The following PLA2G6 variants were observed in gnomAD, a reference collection of about 807,000 sequenced individuals.
The protein encoded by PLA2G6 is 85/88 kDa calcium-independent phospholipase A2.
A neutral mutation model predicts 83.8 loss-of-function variants in PLA2G6; 62 were observed. The ratio of observed to expected loss-of-function variants is 0.74; its 90% CI spans 0.60 to 0.91. PLA2G6 has a LOEUF of 0.91. Among genes scored for constraint, PLA2G6 ranks in the 40% least tolerant of loss-of-function variants. PLA2G6 has a pLI of 0.00. For missense variants in PLA2G6, 944 were observed against 1,102.0 expected (o/e 0.86, Z 2.03); for synonymous variants, 417 against 449.8 (o/e 0.93, Z 0.92).
At chr22:38,119,311 A>C (rs1364307370) in intron 12 of PLA2G6, among the ~76,000 whole-genome samples, 1 of 152,170 alleles carries the variant, frequency 6.6e-6, no homozygotes, top group African/African-American at 2.4e-5. Context: ...TGCTTGACCC[A>C]CTGCTGAGGA....
chr22:38,129,446 G>C lies in PLA2G6; in HGVS notation c.1186+8C>G, dbSNP rs748701861. 1 of 1,574,572 alleles carries C rather than the reference G, an allele frequency of 6.4e-7. No homozygotes were observed. The highest frequency in any genetic ancestry group is 2.2e-5 in the East Asian group (1 of 44,672). ...CCCCACTCCAGCCCCAGAGTGCAGA[G>C]CACATACGTCTGCCGATTTTGGAGG... On this transcript the variant is annotated splice_region_variant and intron_variant, in intron 8 of 16. Transcript: ENST00000332509.
At position 38,114,823 on chromosome 22, in the gene PLA2G6, C is replaced by T. The variant is rs1054700407; in HGVS notation, c.2034+704G>A. On this transcript the variant is annotated intron_variant, in intron 14 of 16. Coordinates refer to ENST00000332509, the MANE Select transcript of PLA2G6 (RefSeq NM_003560.4). Reference sequence around the variant, plus strand: ...ACAGCATGCCAAGGCCTCGCAGCCTCCCCAGGCAGGCGCTATGATGGCCCC... The same window carrying T: ...ACAGCATGCCAAGGCCTCGCAGCCTTCCCAGGCAGGCGCTATGATGGCCCC... 7.9e-5 allele frequency among the ~76,000 whole-genome samples: 12 copies of T among 152,348 alleles called. No individual in the cohort carries two copies. The South Asian group carries it at 1.0e-3, about 13-fold the overall frequency.
chr22:38,148,669 G>T, intron 2 of PLA2G6: 1 of 664,224 alleles, frequency 1.5e-6, no homozygotes, highest in South Asian at 1.7e-5. Flanking sequence ...TTTGGGTTAG[G>T]GTCCTAAAGA....
chr22:38,151,930 C>T lies in PLA2G6; in HGVS notation c.210-6277G>A, dbSNP rs147293788. On this transcript the variant is annotated intron_variant, in intron 2 of 16. Coordinates refer to ENST00000332509, the MANE Select transcript of PLA2G6 (RefSeq NM_003560.4). ...TTGATTATGCTGAAAAGTAAGCAAA[C>T]TTACCCTGTGCTCTACAAGGAGACC... 2.6e-3 allele frequency among the ~76,000 whole-genome samples: 390 copies of T among 152,314 alleles called. 3 individuals are homozygous for T. The highest frequency in any genetic ancestry group is 8.7e-3 in the African/African-American group (362 of 41,556).
At position 38,112,111 on chromosome 22, in the gene PLA2G6, A is replaced by G; in HGVS notation, c.*50T>C. 6.4e-7 allele frequency: 1 copy of G among 1,551,832 alleles called. No individual in the cohort carries two copies. The highest frequency in any genetic ancestry group is 8.7e-7 in the Non-Finnish European group (1 of 1,147,678). ...GGGCAGTGGCTGGGCTTGGCCTGGC[A>G]GGGGCTGAATGGACGAGGTCAGCTG... On this transcript the variant is annotated 3_prime_UTR_variant, in exon 17 of 17. Coordinates refer to ENST00000332509, the MANE Select transcript of PLA2G6 (RefSeq NM_003560.4).
At chr22:38,136,739 GCTTT>G (rs1212496900) in intron 5 of PLA2G6, 1 of 121,064 alleles carries the variant, frequency 8.3e-6, no homozygotes. Flanking sequence ...TCTCAATAAA[GCTTT>G]TTTTTTTTTT....
At chr22:38,121,263 C>T (rs547536461) in intron 11 of PLA2G6, among the ~76,000 whole-genome samples, 4 of 152,124 alleles carry the variant, frequency 2.6e-5, no homozygotes, top group Non-Finnish European at 5.9e-5. Flanking sequence ...GTAGTCCCAG[C>T]TACTCGGGAG....
intron 2 of PLA2G6, among the ~76,000 whole-genome samples, chr22:38,162,894 G>A (rs2090074504): frequency 6.6e-6 from 1 of 152,168 alleles, no homozygotes; most frequent in Non-Finnish European, 1.5e-5. Context: ...AGGCAAAGGG[G>A]AGATTCAGGG....
At chr22:38,167,185 G>A (rs1004108644) in intron 2 of PLA2G6, among the ~76,000 whole-genome samples, 8 of 144,438 alleles carry the variant, frequency 5.5e-5, no homozygotes, top group African/African-American at 1.6e-4. Context: ...CCGAGATCGC[G>A]TCACTGTACT....
At chr22:38,115,088 G>A (rs2087108822) in intron 14 of PLA2G6, among the ~76,000 whole-genome samples, 1 of 152,216 alleles carries the variant, frequency 6.6e-6, no homozygotes, top group Non-Finnish European at 1.5e-5. Context: ...CCTCAGGATG[G>A]GTCCCCTGTT....
intron 11 of PLA2G6, among the ~76,000 whole-genome samples, chr22:38,121,437 G>T (rs1355222223): frequency 6.6e-6 from 1 of 152,220 alleles, no homozygotes; most frequent in East Asian, 1.9e-4. Flanking sequence ...TTTCCTTAAA[G>T]AAGAGCCCCT....
At chr22:38,170,050 T>A (rs1230331643) in intron 1 of PLA2G6, among the ~76,000 whole-genome samples, 1 of 151,804 alleles carries the variant, frequency 6.6e-6, no homozygotes, top group East Asian at 1.9e-4. Flanking sequence ...ATACAAAAAT[T>A]AGCCAGATGT....
intron 9 of PLA2G6, chr22:38,127,385 C>A (rs1380472335): frequency 1.5e-6 from 2 of 1,313,802 alleles, no homozygotes; most frequent in South Asian, 2.5e-5. Context: ...GCTCGGTGGC[C>A]TCTCCAGGCC....
chr22:38,168,050 C>T lies in PLA2G6; in HGVS notation c.209+1168G>A, dbSNP rs533436492. ...TTCCAGACGCAGAGTAGCTCTCAAT[C>T]ACCTCCTTGTGATCCACACTGTTTC... is the stretch of plus-strand genomic sequence containing the variant. On this transcript the variant is annotated intron_variant, in intron 2 of 16. Transcript: ENST00000332509. 9 of 169,122 alleles carry T rather than the reference C, an allele frequency of 5.3e-5. No homozygotes were observed. In the Middle Eastern group the frequency reaches 2.1e-3, roughly 39 times the overall value. The allele number at this position is 169,122 out of a possible 1,614,324, so 10.5% of individuals were successfully genotyped here.
Position 38,120,711 on chromosome 22 carries a change from C to A in PLA2G6, c.1742+48G>T, listed in dbSNP as rs777746696. 5.6e-6 allele frequency: 9 copies of A among 1,608,106 alleles called. No homozygotes were observed. The East Asian group carries it at 2.0e-4, about 36-fold the overall frequency. On this transcript the variant is annotated intron_variant, in intron 12 of 16. Transcript: ENST00000332509. Reference sequence around the variant, plus strand: ...GGAGCCCTCTGTCCCCAGGGAACAGCCACAGTGGGCACAGCTGCGGCCACG... The same window carrying A: ...GGAGCCCTCTGTCCCCAGGGAACAGACACAGTGGGCACAGCTGCGGCCACG...
intron 2 of PLA2G6, chr22:38,146,039 A>ATTTT: frequency 4.4e-6 from 1 of 226,614 alleles, no homozygotes. Context: ...TGCCCAGCTA[A>ATTTT]TTTTTTTTTT....
intron 9 of PLA2G6, among the ~76,000 whole-genome samples, chr22:38,127,998 C>T (rs1043197797): frequency 6.6e-6 from 1 of 152,232 alleles, no homozygotes; most frequent in African/African-American, 2.4e-5. Context: ...GCAGCCACCT[C>T]ATGGGTGCCA....
At chr22:38,177,844 G>A (rs1028465242) in intron 1 of PLA2G6, among the ~76,000 whole-genome samples, 15 of 152,144 alleles carry the variant, frequency 9.9e-5, no homozygotes, top group African/African-American at 3.4e-4. Flanking sequence ...TGGGGCACAG[G>A]TTACACAGTT....
At chr22:38,129,090 A>G (rs2088049152) in intron 8 of PLA2G6, among the ~76,000 whole-genome samples, 1 of 152,246 alleles carries the variant, frequency 6.6e-6, no homozygotes, top group African/African-American at 2.4e-5. Context: ...AGTGTAGTGC[A>G]TGCACCCTTG....
Sources: allele counts gnomAD v4.1 joint callset (sites outside exome capture counted in the v4.1 genomes callset), GRCh38; gene constraint gnomAD v4.1.1; transcripts MANE v1.5; gene names NCBI Gene and HGNC (gene_info 2026-07-23, HGNC 2026-07-21).